The following SPIDR variants were observed in gnomAD, a reference collection of about 807,000 sequenced individuals.
SPIDR encodes scaffold protein involved in DNA repair, also known as DNA repair-scaffolding protein.
In SPIDR, 93 loss-of-function variants were observed where a neutral mutation model predicts 104.6. That is an observed-to-expected ratio of 0.89 (90% CI 0.75 to 1.06). The LOEUF (loss-of-function observed/expected upper bound fraction) is 1.06, where lower values mean the gene tolerates loss of function less well. Among genes scored for constraint, SPIDR ranks in the 50% least tolerant of loss-of-function variants. The pLI is 0.00. For synonymous variants in SPIDR, 431 were observed against 416.9 expected, an observed-to-expected ratio of 1.03 and a Z score of -0.41; for missense variants, 1,154 against 1,111.2, an observed-to-expected ratio of 1.04 and a Z score of -0.55.
intron 5 of SPIDR, among the ~76,000 whole-genome samples, chr8:47,394,754 G>A (rs2061054433): frequency 6.6e-6 from 1 of 152,160 alleles, no homozygotes; most frequent in African/African-American, 2.4e-5. Context: ...AAGGGTTTTA[G>A]TGTCAGCTTC....
intron 10 of SPIDR, chr8:47,660,362 A>T (rs2154462947): frequency 1.4e-6 from 1 of 699,560 alleles, no homozygotes; most frequent in African/African-American, 1.9e-5. Context: ...TCTTATCTGT[A>T]TTATTTTATG....
intron 5 of SPIDR, among the ~76,000 whole-genome samples, chr8:47,370,482 T>C (rs1236444792): frequency 6.9e-6 from 1 of 144,706 alleles, no homozygotes; most frequent in Non-Finnish European, 1.5e-5. Context: ...AGTTTTGCGC[T>C]GTCGCCCAGG....
At chr8:47,409,390 T>C (rs1276468405) in intron 7 of SPIDR, among the ~76,000 whole-genome samples, 1 of 152,264 alleles carries the variant, frequency 6.6e-6, no homozygotes, top group African/African-American at 2.4e-5. Flanking sequence ...AGATTCCACA[T>C]GTCTAGAAAA....
intron 8 of SPIDR, among the ~76,000 whole-genome samples, chr8:47,450,269 C>T (rs1248386441): frequency 6.6e-6 from 1 of 152,150 alleles, no homozygotes; most frequent in Admixed American, 6.5e-5. Flanking sequence ...CTTCCCATGG[C>T]AGAAGGTGAA....
At chr8:47,456,911 A>C (rs1468598022) in intron 8 of SPIDR, among the ~76,000 whole-genome samples, 1 of 152,142 alleles carries the variant, frequency 6.6e-6, no homozygotes, top group Non-Finnish European at 1.5e-5. Flanking sequence ...AATCCCATCT[A>C]AGTTGCTGCG....
At chr8:47,506,385 C>G (rs1051734677) in intron 8 of SPIDR, among the ~76,000 whole-genome samples, 17 of 152,138 alleles carry the variant, frequency 1.1e-4, no homozygotes, top group Non-Finnish European at 1.9e-4. Flanking sequence ...AGGGCAGTCC[C>G]AAAATCTCGT....
rs11377854 is a variant in SPIDR at position 47,603,154 on chromosome 8, C to CTT, written c.1544+3969_1544+3970dup. 2.6e-3 allele frequency among the ~76,000 whole-genome samples: 391 copies of CTT among 147,736 alleles called. 4 individuals are homozygous for CTT. The highest frequency in any genetic ancestry group is 6.9e-3 in the African/African-American group (278 of 40,304). ...AATGCATGACTAATAAAGCCATAGGCTTTTTTTTTTTTAACAGAAAGGGAG... is the reference window on the plus strand; with the variant it reads ...AATGCATGACTAATAAAGCCATAGGCTTTTTTTTTTTTTTAACAGAAAGGGAG... On this transcript the variant is annotated intron_variant, in intron 10 of 19. Transcript: ENST00000297423.
At chr8:47,626,003 G>A (rs1156853402) in intron 10 of SPIDR, among the ~76,000 whole-genome samples, 4 of 152,208 alleles carry the variant, frequency 2.6e-5, no homozygotes, top group African/African-American at 4.8e-5. Flanking sequence ...CAAGGCTACA[G>A]TAACCAAAAC....
intron 5 of SPIDR, among the ~76,000 whole-genome samples, chr8:47,333,198 C>T (rs1247021869): frequency 6.6e-6 from 1 of 152,258 alleles, no homozygotes; most frequent in South Asian, 2.1e-4. Flanking sequence ...TGTATGATAT[C>T]AGTGCCTTCT....
intron 8 of SPIDR, among the ~76,000 whole-genome samples, chr8:47,480,297 C>A (rs1433110034): frequency 6.6e-6 from 1 of 152,040 alleles, no homozygotes; most frequent in Non-Finnish European, 1.5e-5. Context: ...AAAATGTTAC[C>A]CTACAGTGTT....
At chr8:47,653,471 T>C (rs1469252650) in intron 10 of SPIDR, among the ~76,000 whole-genome samples, 3 of 152,158 alleles carry the variant, frequency 2.0e-5, no homozygotes, top group Non-Finnish European at 4.4e-5. Flanking sequence ...CAGTAAACTT[T>C]CTTAGTGTAG....
intron 10 of SPIDR, among the ~76,000 whole-genome samples, chr8:47,646,514 G>T (rs2070388146): frequency 6.6e-6 from 1 of 152,182 alleles, no homozygotes. Flanking sequence ...TGGCCTGAAG[G>T]TCAGCATTAG....
chr8:47,450,223 T>C (rs2071448009), intron 8 of SPIDR, among the ~76,000 whole-genome samples: 1 of 152,164 alleles, frequency 6.6e-6, no homozygotes. Context: ...TCCAAGAGCA[T>C]AGCACCACTA....
At chr8:47,630,312 C>T (rs140013636) in intron 10 of SPIDR, among the ~76,000 whole-genome samples, 35 of 152,124 alleles carry the variant, frequency 2.3e-4, no homozygotes, top group Non-Finnish European at 4.6e-4. Context: ...TTAATGTAAA[C>T]GTTGAAAAGA....
At chr8:47,584,903 T>G (rs2154415229) in intron 8 of SPIDR, among the ~76,000 whole-genome samples, 1 of 152,256 alleles carries the variant, frequency 6.6e-6, no homozygotes. Flanking sequence ...CCTTCCTTTC[T>G]CTCTTTCTCA....
At chr8:47,498,284 G>A (rs1418429808) in intron 8 of SPIDR, among the ~76,000 whole-genome samples, 2 of 152,088 alleles carry the variant, frequency 1.3e-5, no homozygotes, top group East Asian at 3.9e-4. Context: ...CTGGTAATGA[G>A]CAACAAAGGC....
intron 10 of SPIDR, among the ~76,000 whole-genome samples, chr8:47,608,826 C>T (rs1052625277): frequency 6.6e-6 from 1 of 152,220 alleles, no homozygotes; most frequent in Non-Finnish European, 1.5e-5. Flanking sequence ...TGGTTCCAGG[C>T]GATTCTTCTG....
intron 5 of SPIDR, among the ~76,000 whole-genome samples, chr8:47,343,199 A>G (rs1215165967): frequency 6.6e-6 from 1 of 152,174 alleles, no homozygotes; most frequent in Non-Finnish European, 1.5e-5. Context: ...TCTGATTGAC[A>G]GTATTAAAAT....
At chr8:47,409,759 T>G (rs2063249074) in intron 7 of SPIDR, among the ~76,000 whole-genome samples, 1 of 152,228 alleles carries the variant, frequency 6.6e-6, no homozygotes, top group South Asian at 2.1e-4. Flanking sequence ...CCAGGTGTGG[T>G]GGCTCATGCC....
Sources: allele counts gnomAD v4.1 joint callset (sites outside exome capture counted in the v4.1 genomes callset), GRCh38; gene constraint gnomAD v4.1.1; transcripts MANE v1.5; gene names NCBI Gene and HGNC (gene_info 2026-07-23, HGNC 2026-07-21).